The following DLG2 variants were observed in gnomAD, a reference collection of about 807,000 sequenced individuals.
DLG2 encodes the protein discs large MAGUK scaffold protein 2.
In DLG2, 45 loss-of-function variants were observed where a neutral mutation model predicts 132.5. That is an observed-to-expected ratio of 0.34 (90% CI 0.27 to 0.44). DLG2 has a LOEUF of 0.44. DLG2 is among the 20% of genes least tolerant of loss of function. The probability of loss-of-function intolerance (pLI) is 1.00; values close to 1 mark genes in which losing one functional copy is unlikely to be tolerated. For missense variants in DLG2, 1,045 were observed against 1,196.9 expected (o/e 0.87, Z 1.87); for synonymous variants, 424 against 419.6 (o/e 1.01, Z -0.13).
chr11:84,282,213 G>C (rs887297120), intron 7 of DLG2, among the ~76,000 whole-genome samples: 3 of 152,134 alleles, frequency 2.0e-5, no homozygotes, highest in South Asian at 2.1e-4. Flanking sequence ...CAAAAACATG[G>C]ACTAATCTTT....
intron 7 of DLG2, among the ~76,000 whole-genome samples, chr11:84,479,883 T>C (rs2099132119): frequency 6.6e-6 from 1 of 152,102 alleles, no homozygotes; most frequent in Admixed American, 6.5e-5. Context: ...GAGAAGCAAT[T>C]ATTTATCTCA....
intron 7 of DLG2, among the ~76,000 whole-genome samples, chr11:84,284,259 A>G (rs1180427066): frequency 2.6e-5 from 4 of 152,142 alleles, no homozygotes; most frequent in African/African-American, 7.2e-5. Context: ...CTGGCATCTG[A>G]CCCATTTTTT....
At chr11:83,495,838 T>C (rs918267026) in intron 21 of DLG2, among the ~76,000 whole-genome samples, 2 of 152,134 alleles carry the variant, frequency 1.3e-5, no homozygotes, top group Non-Finnish European at 2.9e-5. Flanking sequence ...TATTAAGGGA[T>C]AGATTACAGA....
At chr11:83,986,028 C>CT (rs896343417) in intron 11 of DLG2, among the ~76,000 whole-genome samples, 1 of 150,342 alleles carries the variant, frequency 6.7e-6, no homozygotes, top group African/African-American at 2.4e-5. Flanking sequence ...GTTTTTTTGA[C>CT]TTTTTTTTTA....
chr11:85,406,583 G>T (rs1175434007), intron 3 of DLG2, among the ~76,000 whole-genome samples: 1 of 151,724 alleles, frequency 6.6e-6, no homozygotes, highest in Admixed American at 6.6e-5. Context: ...ACTGGTGAGA[G>T]CTGGTAAAAA....
At chr11:84,627,867 A>G (rs562559616) in intron 6 of DLG2, among the ~76,000 whole-genome samples, 18 of 152,194 alleles carry the variant, frequency 1.2e-4, no homozygotes, top group Admixed American at 1.2e-3. Flanking sequence ...ACCAGATCTC[A>G]TGAGAACTCA....
chr11:84,459,710 T>G (rs2099075261), intron 7 of DLG2, among the ~76,000 whole-genome samples: 1 of 150,706 alleles, frequency 6.6e-6, no homozygotes, highest in Non-Finnish European at 1.5e-5. Flanking sequence ...TTGTGTTTTC[T>G]GTTAGTGTTA....
rs571015251 is a variant in DLG2 at position 83,538,900 on chromosome 11, A to G, written c.2117+2782T>C. On this transcript the variant is annotated intron_variant, in intron 20 of 27. Coordinates refer to ENST00000376104, the MANE Select transcript of DLG2 (RefSeq NM_001142699.3). Reference sequence around the variant, plus strand: ...GCCCAAGCAATGCTTGCTGAATTGAATTTTGCTAGCTCTTATTTTTGTATC... The same window carrying G: ...GCCCAAGCAATGCTTGCTGAATTGAGTTTTGCTAGCTCTTATTTTTGTATC... 1.3e-4 allele frequency among the ~76,000 whole-genome samples: 20 copies of G among 152,318 alleles called. No individual in the cohort carries two copies. In the South Asian group the frequency reaches 4.1e-3, roughly 32 times the overall value.
At chr11:84,717,454 C>A (rs2061356824) in intron 6 of DLG2, among the ~76,000 whole-genome samples, 1 of 151,904 alleles carries the variant, frequency 6.6e-6, no homozygotes. Context: ...CCAAAGGGAA[C>A]AAGAGCAGTT....
At chr11:83,811,880 C>T (rs1285872158) in intron 17 of DLG2, among the ~76,000 whole-genome samples, 1 of 152,010 alleles carries the variant, frequency 6.6e-6, no homozygotes, top group Non-Finnish European at 1.5e-5. Flanking sequence ...AAAGAGAGCC[C>T]TATTTTTTCC....
chr11:83,961,323 A>G (rs1591888879), intron 14 of DLG2, among the ~76,000 whole-genome samples: 1 of 151,698 alleles, frequency 6.6e-6, no homozygotes. Context: ...GCTCATCAAA[A>G]CTCTGAGGTC....
intron 6 of DLG2, among the ~76,000 whole-genome samples, chr11:84,602,765 T>C (rs979304499): frequency 6.6e-6 from 1 of 152,010 alleles, no homozygotes; most frequent in African/African-American, 2.4e-5. Context: ...CCTCAATATG[T>C]TATCAGCTCT....
intron 7 of DLG2, among the ~76,000 whole-genome samples, chr11:84,297,298 C>G (rs905705525): frequency 1.3e-5 from 2 of 152,110 alleles, no homozygotes; most frequent in African/African-American, 2.4e-5. Context: ...TAGGAACTTA[C>G]TAGATGAGAA....
intron 21 of DLG2, among the ~76,000 whole-genome samples, chr11:83,503,545 T>G (rs1471825684): frequency 6.6e-6 from 1 of 151,172 alleles, no homozygotes; most frequent in African/African-American, 2.4e-5. Context: ...GGAGAGCCAG[T>G]CCAAGTCCCA....
chr11:85,101,658 C>T (rs557722371), intron 6 of DLG2, among the ~76,000 whole-genome samples: 7 of 151,976 alleles, frequency 4.6e-5, no homozygotes, highest in African/African-American at 7.2e-5. Flanking sequence ...TAATAGCTTA[C>T]AAATTATTGA....
chr11:85,133,105 T>A, intron 5 of DLG2: 3 of 303,308 alleles, frequency 9.9e-6, no homozygotes, highest in South Asian at 9.1e-5. Context: ...CTCCTGTGAG[T>A]GCCCCGCACA....
At chr11:84,563,503 T>G (rs1250925986) in intron 6 of DLG2, among the ~76,000 whole-genome samples, 1 of 152,120 alleles carries the variant, frequency 6.6e-6, no homozygotes, top group Admixed American at 6.6e-5. Context: ...ACCTGGCATT[T>G]TGGCTGCAAG....
intron 12 of DLG2, among the ~76,000 whole-genome samples, chr11:83,976,976 G>C (rs1266291155): frequency 6.6e-6 from 1 of 151,756 alleles, no homozygotes; most frequent in Non-Finnish European, 1.5e-5. Flanking sequence ...ATTAGCTTAA[G>C]GCAAAGTAAA....
intron 6 of DLG2, among the ~76,000 whole-genome samples, chr11:85,011,618 T>G (rs2059153932): frequency 6.6e-6 from 1 of 152,230 alleles, no homozygotes; most frequent in Non-Finnish European, 1.5e-5. Flanking sequence ...CCTCAGTTTC[T>G]CCATATGTTA....
Sources: allele counts gnomAD v4.1 joint callset (sites outside exome capture counted in the v4.1 genomes callset), GRCh38; gene constraint gnomAD v4.1.1; transcripts MANE v1.5; gene names NCBI Gene and HGNC (gene_info 2026-07-23, HGNC 2026-07-21).